CAST: variants seen among roughly 807,000 people sequenced by gnomAD.
The protein encoded by CAST is MIR583 host.
A neutral mutation model predicts 119.6 loss-of-function variants in CAST; 76 were observed. The ratio of observed to expected loss-of-function variants is 0.64; its 90% CI spans 0.53 to 0.77. The LOEUF is 0.77. Among genes scored for constraint, CAST ranks in the 30% least tolerant of loss-of-function variants. CAST has a pLI of 0.00. For missense variants in CAST, 953 were observed against 946.5 expected, an observed-to-expected ratio of 1.01 and a Z score of -0.09; for synonymous variants, 319 against 331.6, an observed-to-expected ratio of 0.96 and a Z score of 0.41.
chr5:96,402,998 T>C, the CAST span, among the ~76,000 whole-genome samples: 3 of 152,170 alleles, frequency 2.0e-5, no homozygotes, highest in Non-Finnish European at 4.4e-5. Context: ...AGGCAGTCAA[T>C]GGGCAACACA....
the CAST span, among the ~76,000 whole-genome samples, chr5:96,181,334 T>C: frequency 2.6e-5 from 4 of 152,202 alleles, no homozygotes; most frequent in East Asian, 7.7e-4. Context: ...GGTCAAATCC[T>C]GGGGAGATTC....
chr5:96,411,615 A>G, the CAST span, among the ~76,000 whole-genome samples: 2 of 152,252 alleles, frequency 1.3e-5, no homozygotes, highest in Admixed American at 6.5e-5. Context: ...AGCAGAAGGC[A>G]ACACGTTTCT....
the CAST span, among the ~76,000 whole-genome samples, chr5:96,317,186 A>G: frequency 2.4e-4 from 36 of 151,798 alleles, no homozygotes; most frequent in African/African-American, 8.5e-4. Flanking sequence ...CATCCTGGCC[A>G]GGTGTGGTGG....
the CAST span, among the ~76,000 whole-genome samples, chr5:96,076,069 T>C: frequency 6.6e-6 from 1 of 152,196 alleles, no homozygotes; most frequent in African/African-American, 2.4e-5. Context: ...GCTTGATAAC[T>C]CTTTTTCTTC....
At chr5:96,588,774 C>T (rs1347226629) in intron 1 of CAST, among the ~76,000 whole-genome samples, 1 of 152,136 alleles carries the variant, frequency 6.6e-6, no homozygotes, top group African/African-American at 2.4e-5. Context: ...CATAGTCATT[C>T]ACTTTGTCCC....
chr5:96,076,391 G>GC, the CAST span, among the ~76,000 whole-genome samples: 1 of 152,034 alleles, frequency 6.6e-6, no homozygotes, highest in African/African-American at 2.4e-5. Flanking sequence ...AGCAAATATC[G>GC]AAAAGGAGTA....
the CAST span, among the ~76,000 whole-genome samples, chr5:96,385,232 A>C: frequency 6.6e-6 from 1 of 152,188 alleles, no homozygotes; most frequent in African/African-American, 2.4e-5. Flanking sequence ...GTTCCTTTCA[A>C]AATAGGTCAA....
chr5:96,471,377 T>G, the CAST span, among the ~76,000 whole-genome samples: 1 of 152,208 alleles, frequency 6.6e-6, no homozygotes, highest in South Asian at 2.1e-4. Flanking sequence ...ACAATTGAAT[T>G]GCAATTTAAA....
chr5:96,506,568 C>T, the CAST span, among the ~76,000 whole-genome samples: 151 of 152,206 alleles, frequency 9.9e-4, no homozygotes, highest in African/African-American at 3.5e-3. Flanking sequence ...AAGATTCCTG[C>T]CATCTTATGG....
intron 11 of CAST, 49 bp from the exon 12 acceptor site, chr5:96,739,989 G>T: frequency 1.2e-6 from 1 of 851,874 alleles, no homozygotes. Context: ...ATATAGCATT[G>T]TCAGGTAATT....
intron 2 of CAST, among the ~76,000 whole-genome samples, chr5:96,676,398 A>G (rs370689551): frequency 3.3e-5 from 5 of 152,318 alleles, no homozygotes; most frequent in African/African-American, 1.2e-4. Context: ...TATTATCAAC[A>G]TTAATCAGGT....
chr5:96,403,241 T>C, the CAST span, among the ~76,000 whole-genome samples: 7 of 152,214 alleles, frequency 4.6e-5, no homozygotes, highest in African/African-American at 2.4e-5. Context: ...TTCATTGTCA[T>C]GCAATTAGAA....
chr5:96,303,783 C>A, the CAST span, among the ~76,000 whole-genome samples: 1 of 152,056 alleles, frequency 6.6e-6, no homozygotes, highest in African/African-American at 2.4e-5. Context: ...ATGAAGTCAC[C>A]CTTTTTTATG....
chr5:96,449,864 C>T, the CAST span, among the ~76,000 whole-genome samples: 1 of 152,202 alleles, frequency 6.6e-6, no homozygotes, highest in Admixed American at 6.5e-5. Flanking sequence ...TCTTACCACT[C>T]TCTTAAGATG....
At chr5:96,487,514 G>C in the CAST span, among the ~76,000 whole-genome samples, 2 of 152,170 alleles carry the variant, frequency 1.3e-5, no homozygotes, top group Non-Finnish European at 2.9e-5. Flanking sequence ...TCATGAGCTT[G>C]GGTTAAAGTG....
chr5:96,309,541 G>A, the CAST span, among the ~76,000 whole-genome samples: 3 of 152,202 alleles, frequency 2.0e-5, no homozygotes, highest in South Asian at 2.1e-4. Context: ...CTGCCCAAAT[G>A]GCCTCCTAGT....
the CAST span, among the ~76,000 whole-genome samples, chr5:96,192,107 G>A: frequency 6.6e-6 from 1 of 152,084 alleles, no homozygotes; most frequent in East Asian, 1.9e-4. Context: ...TAACTAAGGA[G>A]GATATAAGGG....
the CAST span, among the ~76,000 whole-genome samples, chr5:96,452,976 A>AAAAAAAAAAAAAAAAAG: frequency 9.1e-5 from 13 of 142,346 alleles, no homozygotes; most frequent in African/African-American, 3.2e-4. Flanking sequence ...AAAAAAAAAA[A>AAAAAAAAAAAAAAAAAG]CAGAAGAAAG....
intron 1 of CAST, among the ~76,000 whole-genome samples, chr5:96,623,627 C>T (rs1747662896): frequency 6.6e-6 from 1 of 152,160 alleles, no homozygotes; most frequent in Non-Finnish European, 1.5e-5. Flanking sequence ...TTCCTTTCTC[C>T]TCTGACATTA....
Sources: allele counts gnomAD v4.1 joint callset (sites outside exome capture counted in the v4.1 genomes callset), GRCh38; gene constraint gnomAD v4.1.1; transcripts MANE v1.5; gene names NCBI Gene and HGNC (gene_info 2026-07-23, HGNC 2026-07-21).